The following DGKG variants were observed in gnomAD, a reference collection of about 807,000 sequenced individuals.
DGKG encodes the protein diacylglycerol kinase gamma.
A neutral mutation model predicts 105.3 loss-of-function variants in DGKG; 78 were observed. The observed-to-expected ratio is 0.74, with a 90% confidence interval of 0.62 to 0.89. The LOEUF (loss-of-function observed/expected upper bound fraction) is 0.89. Among genes scored for constraint, DGKG ranks in the 40% least tolerant of loss-of-function variants. The probability of loss-of-function intolerance (pLI) is 0.00; values close to 1 mark genes in which losing one functional copy is unlikely to be tolerated. For synonymous variants in DGKG, 346 were observed against 367.1 expected, an observed-to-expected ratio of 0.94 and a Z score of 0.66; for missense variants, 958 against 1,020.1, an observed-to-expected ratio of 0.94 and a Z score of 0.83.
intron 21 of DGKG, among the ~76,000 whole-genome samples, chr3:186,209,334 G>A (rs1031754327): frequency 4.6e-5 from 7 of 151,896 alleles, no homozygotes; most frequent in East Asian, 1.9e-4. Flanking sequence ...ACTCCTGACC[G>A]CTGGTGATCC....
In DGKG at chr3:186,279,946, C is replaced by T. The variant is rs1210901966; in HGVS notation, c.697G>A (p.Asp233Asn). ...PILKEMLQGM[D>N]YDRDGFVSLQ... Reference sequence around the variant, plus strand: ...GACACAAAGCCGTCCCGGTCGTAGTCCATCCCTTGCAGCATCTCCTTCAAT... The same window carrying T: ...GACACAAAGCCGTCCCGGTCGTAGTTCATCCCTTGCAGCATCTCCTTCAAT... The change falls in exon 9 of 25, where the codon GAC becomes AAC. Residue 233 changes from aspartate (D) to asparagine (N), a missense_variant. Physicochemically the swap from Asp to Asn is conservative, Grantham distance 23. Around this residue, in one of 2 missense-constraint regions of DGKG, gnomAD observed 643 missense variants for 619.5 expected, o/e 1.04. Coordinates refer to ENST00000265022, the MANE Select transcript of DGKG (RefSeq NM_001346.3). 1 of 1,614,060 alleles carries T rather than the reference C, an allele frequency of 6.2e-7. No homozygotes were observed.
At chr3:186,229,453 C>T (rs900032402) in intron 20 of DGKG, among the ~76,000 whole-genome samples, 20 of 152,090 alleles carry the variant, frequency 1.3e-4, no homozygotes, top group African/African-American at 4.3e-4. Flanking sequence ...CCATGTTGGC[C>T]AGGCTGGTCT....
intron 1 of DGKG, among the ~76,000 whole-genome samples, chr3:186,344,513 AC>A (rs2108663743): frequency 6.6e-6 from 1 of 152,346 alleles, no homozygotes; most frequent in African/African-American, 2.4e-5. Context: ...GTTCTCACTT[AC>A]AAGTGGGAGC....
At position 186,147,895 on chromosome 3, in the gene DGKG, A is replaced by G; in HGVS notation, c.*2195T>C. 7 of 985,354 alleles carry G rather than the reference A, an allele frequency of 7.1e-6. No homozygotes were observed. The highest frequency in any genetic ancestry group is 8.4e-6 in the Non-Finnish European group (7 of 829,916). The allele number at this position is 985,354 out of a possible 1,614,324, so 61.0% of individuals were successfully genotyped here. On this transcript the variant is annotated 3_prime_UTR_variant, in exon 25 of 25. Transcript: ENST00000265022. Reference sequence around the variant, plus strand: ...TGTTGGTCCCATCACCAAGAATACCATCATTAAAGATATTCTTCAGGTGGC... The same window carrying G: ...TGTTGGTCCCATCACCAAGAATACCGTCATTAAAGATATTCTTCAGGTGGC...
chr3:186,325,051 C>T (rs923029356), intron 1 of DGKG, among the ~76,000 whole-genome samples: 4 of 152,176 alleles, frequency 2.6e-5, no homozygotes, highest in African/African-American at 9.7e-5. Flanking sequence ...AAATCATGTC[C>T]TTTGCAGCAA....
intron 19 of DGKG, among the ~76,000 whole-genome samples, chr3:186,250,760 G>T (rs1391974103): frequency 6.6e-6 from 1 of 151,866 alleles, no homozygotes; most frequent in Non-Finnish European, 1.5e-5. Context: ...ATGTTGGCCA[G>T]GCTGGTCTCG....
chr3:186,302,546 ATATATATATATACACATATG>A (rs1724020398), intron 3 of DGKG, among the ~76,000 whole-genome samples: 1 of 32,418 alleles, frequency 3.1e-5, no homozygotes, highest in South Asian at 8.1e-4. Flanking sequence ...ATGTATATAT[ATATATATATATACACATATG>A]TATATATATA....
chr3:186,260,120 A>C (rs1345827167), intron 16 of DGKG, among the ~76,000 whole-genome samples: 1 of 152,188 alleles, frequency 6.6e-6, no homozygotes, highest in African/African-American at 2.4e-5. Flanking sequence ...AGAGCCTTGC[A>C]AATAAGTTAA....
At chr3:186,253,341 C>G (rs377040306) in intron 17 of DGKG, among the ~76,000 whole-genome samples, 159 bp from the exon 18 acceptor site, 1 of 152,214 alleles carries the variant, frequency 6.6e-6, no homozygotes, top group African/African-American at 2.4e-5. Flanking sequence ...AGCCATCTAT[C>G]CCATCTGCAG....
At chr3:186,238,655 C>T (rs1329095754) in intron 20 of DGKG, among the ~76,000 whole-genome samples, 1 of 152,160 alleles carries the variant, frequency 6.6e-6, no homozygotes, top group Non-Finnish European at 1.5e-5. Context: ...CCTCAATTAG[C>T]AATTAATGAT....
At chr3:186,267,870 T>G (rs1722130780) in intron 12 of DGKG, 93 bp from the exon 13 acceptor site, 2 of 1,141,286 alleles carry the variant, frequency 1.8e-6, no homozygotes, top group Non-Finnish European at 2.6e-6. Flanking sequence ...GTGAGCTGTC[T>G]AGTGCTCCCC....
chr3:186,161,354 C>T, intron 24 of DGKG: 1 of 1,347,562 alleles, frequency 7.4e-7, no homozygotes, highest in Non-Finnish European at 9.5e-7. Flanking sequence ...CTGTGAACTC[C>T]TCGAAGTTGG....
intron 16 of DGKG, 54 bp from the exon 17 acceptor site, chr3:186,257,993 T>C (rs1174737973): frequency 7.0e-6 from 9 of 1,293,194 alleles, no homozygotes; most frequent in African/African-American, 4.4e-5. Flanking sequence ...GCAGCTGACA[T>C]TGATACATGT....
chr3:186,273,844 C>T (rs534752384), intron 10 of DGKG, among the ~76,000 whole-genome samples: 1 of 152,320 alleles, frequency 6.6e-6, no homozygotes, highest in Non-Finnish European at 1.5e-5. Context: ...GCAGCAGCTC[C>T]CCGGTGTCTG....
chr3:186,306,173 T>C (rs1724228113), intron 3 of DGKG, among the ~76,000 whole-genome samples: 1 of 151,968 alleles, frequency 6.6e-6, no homozygotes, highest in African/African-American at 2.4e-5. Context: ...TTCAAGAAAG[T>C]AGGAAAAAGA....
intron 2 of DGKG, among the ~76,000 whole-genome samples, chr3:186,311,909 G>A (rs973157463): frequency 1.0e-4 from 13 of 129,356 alleles, no homozygotes; most frequent in African/African-American, 1.4e-4. Context: ...GAGGTCAGGA[G>A]ATCGAGACCA....
chr3:186,324,266 T>C (rs1223578204), intron 1 of DGKG, among the ~76,000 whole-genome samples: 1 of 152,150 alleles, frequency 6.6e-6, no homozygotes, highest in East Asian at 1.9e-4. Flanking sequence ...GCTCTGCCCT[T>C]CTGAGCTATT....
At position 186,289,693 on chromosome 3, in the gene DGKG, A is replaced by G. The variant is rs773893268; in HGVS notation, c.374-813T>C. On this transcript the variant is annotated intron_variant, in intron 5 of 24. Transcript: ENST00000265022. Reference sequence around the variant, plus strand: ...AATATCTACTAGGAGTGTACAACTCACAGAAAACAACTAGCCAGGGAACAA... The same window carrying G: ...AATATCTACTAGGAGTGTACAACTCGCAGAAAACAACTAGCCAGGGAACAA... 9.2e-5 allele frequency among the ~76,000 whole-genome samples: 14 copies of G among 152,180 alleles called. No homozygotes were observed. The South Asian group carries it at 1.0e-3, about 11-fold the overall frequency.
intron 21 of DGKG, 151 bp downstream of exon 21, chr3:186,211,644 T>G: frequency 1.6e-6 from 1 of 609,950 alleles, no homozygotes; most frequent in Non-Finnish European, 3.0e-6. Flanking sequence ...TGAGTGAGCG[T>G]ATGGAGGTGT....
Sources: allele counts gnomAD v4.1 joint callset (sites outside exome capture counted in the v4.1 genomes callset), GRCh38; gene constraint gnomAD v4.1.1; regional missense constraint gnomAD v4.1.1; transcripts MANE v1.5; gene names NCBI Gene and HGNC (gene_info 2026-07-23, HGNC 2026-07-21).